The following DVL1 variants were observed in gnomAD, a reference collection of about 807,000 sequenced individuals.
The protein encoded by DVL1 is dishevelled segment polarity protein 1, also known as segment polarity protein dishevelled homolog DVL-1.
A neutral mutation model predicts 65.0 loss-of-function variants in DVL1; 49 were observed. That is an observed-to-expected ratio of 0.75 (90% CI 0.60 to 0.96). The LOEUF is 0.96. Among genes scored for constraint, DVL1 ranks in the 40% least tolerant of loss-of-function variants. The pLI is 0.00. For synonymous variants in DVL1, 608 were observed against 433.9 expected, an observed-to-expected ratio of 1.40 and a Z score of -4.99; for missense variants, 1,197 against 1,045.4, an observed-to-expected ratio of 1.15 and a Z score of -2.00.
Position 1,341,721 on chromosome 1 carries a change from C to A in DVL1, c.551G>T (p.Ser184Ile), listed in dbSNP as rs761209205. The A allele has an allele frequency of 2.5e-6, 4 of 1,611,534 alleles. No individual in the cohort carries two copies. The highest frequency in any genetic ancestry group is 3.4e-6 in the Non-Finnish European group (4 of 1,178,990). Residue 184 changes from serine to isoleucine, a missense_variant, in exon 5 of 15, where the codon AGC becomes ATC. Ser to Ile is a moderately radical substitution (Grantham distance 142, BLOSUM62 -2). Coordinates refer to ENST00000378888, the MANE Select transcript of DVL1 (RefSeq NM_001330311.2). Reference sequence around the variant, plus strand: ...CACAAAGCTGCTGGACTCAAGCTCGCTGCTGAGGGCGGTGGACGCGCTGTC... The same window carrying A: ...CACAAAGCTGCTGGACTCAAGCTCGATGCTGAGGGCGGTGGACGCGCTGTC... ...PPDSASTALS[S>I]ELESSSFVDS...
intron 3 of DVL1, 36 bp from the exon 4 acceptor site, chr1:1,342,192 G>A: frequency 6.5e-7 from 1 of 1,527,320 alleles, no homozygotes; most frequent in Non-Finnish European, 8.8e-7. Flanking sequence ...GGGAGGCCGT[G>A]GCCCCAGCCC....
intron 11 of DVL1, among the ~76,000 whole-genome samples, chr1:1,338,982 A>C (rs930642331): frequency 5.9e-5 from 9 of 152,168 alleles, no homozygotes; most frequent in Non-Finnish European, 1.0e-4. Context: ...CCGAGAGCGC[A>C]GGCTGTTAGT....
At chr1:1,345,396 TACCCAGGTC>T (rs1643901109) in intron 1 of DVL1, among the ~76,000 whole-genome samples, 1 of 152,110 alleles carries the variant, frequency 6.6e-6, no homozygotes, top group Non-Finnish European at 1.5e-5. Flanking sequence ...AGGGATCAGC[TACCCAGGTC>T]CCAGGCAGAG....
At position 1,338,004 on chromosome 1, in the gene DVL1, C is replaced by G. The variant is rs774664222; in HGVS notation, c.1687G>C (p.Gly563Arg). 3 of 1,611,792 alleles carry G rather than the reference C, an allele frequency of 1.9e-6. No homozygotes were observed. The South Asian group carries it at 3.3e-5, about 18-fold the overall frequency. Reference protein sequence around the residue: ...YQDPGFSYGSGSTGSQQSEGS... With the variant: ...YQDPGFSYGSRSTGSQQSEGS... ...TCACTCTGCTGACTCCCGGTGCTGC[C>G]GCTGCCATAGCTAAAGCCCGGGTCC... The change falls in exon 14 of 15, where the codon GGC (glycine) becomes CGC (arginine). Residue 563 changes from glycine (G) to arginine (R), a missense_variant. Physicochemically the swap from Gly to Arg is moderately radical, Grantham distance 125 (BLOSUM62 -2). Transcript: ENST00000378888.
chr1:1,339,818 G>A lies in DVL1; in HGVS notation c.910-6C>T, dbSNP rs370899175. 24 of 1,607,110 alleles carry A rather than the reference G, an allele frequency of 1.5e-5. No individual in the cohort carries two copies. The highest frequency in any genetic ancestry group is 9.9e-5 in the South Asian group (9 of 91,050). On this transcript the variant is annotated splice_region_variant and splice_polypyrimidine_tract_variant and intron_variant, in intron 8 of 14. Coordinates refer to ENST00000378888, the MANE Select transcript of DVL1 (RefSeq NM_001330311.2). The stretch of plus-strand genomic sequence containing the variant: ...TCAAAGTTCACGTCATTCACCTGCA[G>A]GGGTGGGGATTAGGGTGGTGCAGGC...
Position 1,337,478 on chromosome 1 carries a change from C to T in DVL1, c.1714+499G>A, listed in dbSNP as rs77443780. Among the ~76,000 whole-genome samples, 193 of 152,318 alleles carry T rather than the reference C, an allele frequency of 1.3e-3. 5 individuals carry two copies. In the East Asian group the frequency reaches 0.034, roughly 27 times the overall value. On this transcript the variant is annotated intron_variant, in intron 14 of 14. Coordinates refer to ENST00000378888, the MANE Select transcript of DVL1 (RefSeq NM_001330311.2). ...TCCCTACCCGGGCTGCAGCTGCCAC[C>T]CTCCTGTGTCCTGGGGCCTAGAAAG...
chr1:1,347,536 C>T (rs182753509), intron 1 of DVL1, among the ~76,000 whole-genome samples: 1 of 152,342 alleles, frequency 6.6e-6, no homozygotes, highest in African/African-American at 2.4e-5. Flanking sequence ...TGGGCACCTC[C>T]TCACTACGCA....
chr1:1,344,168 T>C (rs1185207339), intron 1 of DVL1, among the ~76,000 whole-genome samples: 1 of 152,100 alleles, frequency 6.6e-6, no homozygotes, highest in Non-Finnish European at 1.5e-5. Context: ...GGGTAGGATC[T>C]GGACGCCGCC....
At chr1:1,345,602 C>G (rs1643903996) in intron 1 of DVL1, among the ~76,000 whole-genome samples, 1 of 152,178 alleles carries the variant, frequency 6.6e-6, no homozygotes, top group African/African-American at 2.4e-5. Flanking sequence ...GCCTGGCTAA[C>G]CTGTGTGCTG....
Position 1,349,068 on chromosome 1 carries a change from C to A in DVL1, c.-3G>T. On this transcript the variant is annotated 5_prime_UTR_variant, in exon 1 of 15. Coordinates refer to ENST00000378888, the MANE Select transcript of DVL1 (RefSeq NM_001330311.2). This position sits in a 1 kb window ranked among gnomAD's most constrained non-coding sequence, Gnocchi z 4.1. ...TAGATAATCTTGGTCTCCGCCATGG[C>A]GCGGCGGCGGCGCGGAGCCCGCGCG... 1 of 1,481,658 alleles carries A rather than the reference C, an allele frequency of 6.7e-7. No homozygotes were observed. Among genetic ancestry groups the A allele is most frequent in the Non-Finnish European group, 9.0e-7 (1 of 1,108,024 alleles). The allele number at this position is 1,481,658 out of a possible 1,614,324, so 91.8% of individuals were successfully genotyped here. A position where few individuals can be genotyped will look rare whatever the true frequency, so the allele number is the denominator to read the frequency against.
intron 5 of DVL1, among the ~76,000 whole-genome samples, chr1:1,340,738 A>G (rs1325586665): frequency 6.6e-6 from 1 of 150,978 alleles, no homozygotes; most frequent in Admixed American, 6.6e-5. Context: ...TCCACTACTG[A>G]CACACCTGCA....
In DVL1 at chr1:1,339,762, C is replaced by T. The variant is rs1450244801; in HGVS notation, c.960G>A (p.Val320=). 1 of 1,613,104 alleles carries T rather than the reference C, an allele frequency of 6.2e-7. No individual in the cohort carries two copies. The highest frequency in any genetic ancestry group is 8.5e-7 in the Non-Finnish European group (1 of 1,179,930). Residue 320 remains valine, a synonymous_variant, in exon 9 of 15, where the codon GTG becomes GTA. Coordinates refer to ENST00000378888, the MANE Select transcript of DVL1 (RefSeq NM_001330311.2). Reference sequence around the variant, plus strand: ...CCGTCTGGGAAACGATCTCCCGCAGCACCCGCACGGCATCGTCATTGCTCA... The same window carrying T: ...CCGTCTGGGAAACGATCTCCCGCAGTACCCGCACGGCATCGTCATTGCTCA... The part of the protein sequence containing the change: ...ENMSNDDAVR[V]LREIVSQTGP...
intron 11 of DVL1, among the ~76,000 whole-genome samples, chr1:1,338,971 C>A (rs917422735): frequency 6.6e-6 from 1 of 152,238 alleles, no homozygotes; most frequent in Non-Finnish European, 1.5e-5. Flanking sequence ...GCATGCCCCA[C>A]CCGAGAGCGC....
intron 14 of DVL1, chr1:1,337,024 A>G: frequency 1.0e-6 from 1 of 989,488 alleles, no homozygotes; most frequent in Non-Finnish European, 1.2e-6. Flanking sequence ...TTACCGGCCC[A>G]AGGTCCGCTC....
intron 1 of DVL1, among the ~76,000 whole-genome samples, chr1:1,347,386 T>G (rs1643931488): frequency 6.6e-6 from 1 of 152,086 alleles, no homozygotes; most frequent in African/African-American, 2.4e-5. Flanking sequence ...GCCCAGCAGG[T>G]GCAGCCACTG....
rs370205492 is a variant in DVL1 at position 1,336,370 on chromosome 1, C to A, written c.1860G>T (p.Pro620=). The A allele has an allele frequency of 6.3e-7, 1 of 1,597,528 alleles. No individual in the cohort carries two copies. The change falls in exon 15 of 15, where the codon CCG becomes CCT. Residue 620 remains proline (P), a synonymous_variant. Coordinates refer to ENST00000378888, the MANE Select transcript of DVL1 (RefSeq NM_001330311.2). The stretch of plus-strand genomic sequence containing the variant: ...TGCTGCCACGGCTGAGCTGGCCGGC[C>A]GGACGCTCTCGCCAGCTGCTCCCCA... ...SGVGSSWRER[P]AGQLSRGSSP... is the part of the protein sequence containing the mutation.
intron 1 of DVL1, among the ~76,000 whole-genome samples, chr1:1,343,868 C>T (rs767161778): frequency 9.2e-5 from 14 of 152,232 alleles, no homozygotes; most frequent in Admixed American, 3.3e-4. Context: ...GATGCGGAGC[C>T]GGCAGGGCCC....
At chr1:1,341,966 G>A (rs1393500071) in intron 4 of DVL1, 87 bp downstream of exon 4, 2 of 1,457,854 alleles carry the variant, frequency 1.4e-6, no homozygotes, top group Middle Eastern at 1.8e-4. Flanking sequence ...ACTGGCTGGG[G>A]GACAGGAACT....
chr1:1,339,500 G>A, intron 10 of DVL1, 61 bp from the exon 11 acceptor site: 1 of 1,546,848 alleles, frequency 6.5e-7, no homozygotes, highest in East Asian at 2.4e-5. Context: ...AGGGCAGGGT[G>A]CAGGGCACAG....
Sources: gnomAD v4.1 joint callset for allele counts (sites outside exome capture counted in the v4.1 genomes callset) on GRCh38, gnomAD v4.1.1 for gene constraint, Gnocchi (gnomAD v3.1) non-coding constraint, MANE v1.5 for transcripts, NCBI Gene and HGNC (gene_info 2026-07-23, HGNC 2026-07-21) for gene names.